Variants in H2BC18 observed in about 807,000 individuals in gnomAD.
H2BC18 encodes H2B clustered histone 18, also known as histone H2B type 2-F.
In H2BC18, 8 loss-of-function variants were observed where a neutral mutation model predicts 6.3. That is an observed-to-expected ratio of 1.28 (90% CI 0.75 to 2.31). The LOEUF is 2.31. H2BC18 is among the 30% of genes most tolerant of loss of function. H2BC18 has a pLI of 0.00. For missense variants in H2BC18, 106 were observed against 174.5 expected (o/e 0.61, Z 2.21); for synonymous variants, 104 against 78.1 (o/e 1.33, Z -1.75).
downstream of H2BC18, among the ~76,000 whole-genome samples, chr1:149,808,720 T>G (rs2091946220): frequency 6.6e-6 from 1 of 152,206 alleles, no homozygotes; most frequent in Non-Finnish European, 1.5e-5. Context: ...TTTTATCAAG[T>G]TTTCTATTTT....
intron 1 of H2BC18, chr1:149,787,001 T>C (rs2091569888): frequency 6.6e-6 from 1 of 152,222 alleles, no homozygotes; most frequent in Non-Finnish European, 1.5e-5. Context: ...ATCAAGCCTA[T>C]TAATTGTGTC....
chr1:149,788,688 C>T (rs1226035246), intron 1 of H2BC18: 4 of 1,549,390 alleles, frequency 2.6e-6, no homozygotes, highest in Non-Finnish European at 3.5e-6. Flanking sequence ...ATTCTAAACT[C>T]CTCACTTTAA....
chr1:149,807,890 T>C (rs2091937381), downstream of H2BC18, among the ~76,000 whole-genome samples: 1 of 152,094 alleles, frequency 6.6e-6, no homozygotes, highest in African/African-American at 2.4e-5. Flanking sequence ...GCTAGGACCA[T>C]GGTGAGCAAT....
rs1226693295 is a variant in H2BC18 at position 149,790,914 on chromosome 1, C to A, written c.378-7654G>T. On this transcript the variant is annotated intron_variant, in intron 1 of 1. Transcript: ENST00000545683. ...GATTGTGAGCTCTAGAACAAAGTCT[C>A]CTTGGGGGGGAAAAAAGTTCATCTT... 4.4e-4 allele frequency among the ~76,000 whole-genome samples: 67 copies of A among 151,394 alleles called. 1 individual carries two copies. Among genetic ancestry groups the A allele is most frequent in the African/African-American group, 1.5e-3 (62 of 40,806 alleles).
chr1:149,790,011 A>C, intron 1 of H2BC18: 1 of 1,612,204 alleles, frequency 6.2e-7, no homozygotes, highest in Non-Finnish European at 8.5e-7. Context: ...AAGGACCTGG[A>C]TGCTAAACAG....
intron 1 of H2BC18, chr1:149,791,486 T>A (rs1553751912): frequency 6.2e-7 from 1 of 1,608,992 alleles, no homozygotes; most frequent in Non-Finnish European, 8.5e-7. Context: ...CAGGAAGGGG[T>A]GCACCGGAAG....
At chr1:149,809,819 G>A (rs2091955197), downstream of H2BC18, among the ~76,000 whole-genome samples, 2 of 150,486 alleles carry the variant, frequency 1.3e-5, 1 homozygote, top group Non-Finnish European at 3.0e-5. Context: ...TAAAAGAACT[G>A]ACAGACTGAT....
chr1:149,796,256 G>A (rs1553752766), intron 1 of H2BC18, among the ~76,000 whole-genome samples: 2 of 152,200 alleles, frequency 1.3e-5, no homozygotes, highest in East Asian at 3.8e-4. Context: ...TGGAGAGGGA[G>A]CATATGTGAA....
intron 1 of H2BC18, chr1:149,792,824 G>A (rs1553752213): frequency 7.8e-7 from 1 of 1,279,082 alleles, no homozygotes; most frequent in Non-Finnish European, 1.0e-6. Context: ...CAGCAACGGC[G>A]GCAGGCGGAT....
Position 149,812,156 on chromosome 1 carries a change from C to G in H2BC18, c.168G>C (p.Ser56=). 1 of 1,614,248 alleles carries G rather than the reference C, an allele frequency of 6.2e-7. No homozygotes were observed. The highest frequency in any genetic ancestry group is 8.5e-7 in the Non-Finnish European group (1 of 1,180,046). ...AGTTCATGATGCCCATGGCCTTGGA[C>G]GAGATGCCGGTGTCGGGGTGGACCT... is the stretch of plus-strand genomic sequence containing the variant. ...LKQVHPDTGI[S]SKAMGIMNSF... is the part of the protein sequence containing the mutation. Residue 56 remains serine (S), a synonymous_variant, in exon 1 of 1, where the codon TCG becomes TCC. Coordinates refer to ENST00000369167, the MANE Select transcript of H2BC18 (RefSeq NM_001024599.5).
intron 1 of H2BC18, among the ~76,000 whole-genome samples, chr1:149,796,300 A>G (rs1553752772): frequency 6.6e-6 from 1 of 152,232 alleles, no homozygotes; most frequent in East Asian, 1.9e-4. Context: ...ATGGGAGTTA[A>G]TGGAGAAAGA....
At chr1:149,791,692 G>T in intron 1 of H2BC18, 2 of 1,059,268 alleles carry the variant, frequency 1.9e-6, no homozygotes, top group East Asian at 2.7e-5. Context: ...TGGAAATGTG[G>T]TCATCAAAGA....
intron 1 of H2BC18, among the ~76,000 whole-genome samples, chr1:149,802,653 AAAG>A (rs1335536469): frequency 6.6e-6 from 1 of 152,226 alleles, no homozygotes; most frequent in Admixed American, 6.5e-5. Context: ...GCTGAGGAAG[AAAG>A]AAGCCAGTAG....
chr1:149,784,812 G>T (rs1490020372), intron 1 of H2BC18, among the ~76,000 whole-genome samples: 4 of 151,332 alleles, frequency 2.6e-5, no homozygotes, highest in African/African-American at 7.3e-5. Flanking sequence ...ATACCTTAAA[G>T]TTCTGTTTAT....
intron 1 of H2BC18, chr1:149,785,945 T>C (rs1401467250): frequency 1.3e-5 from 2 of 152,158 alleles, no homozygotes; most frequent in Non-Finnish European, 2.9e-5. Flanking sequence ...AACATTATGA[T>C]TGTGAACTGT....
downstream of H2BC18, among the ~76,000 whole-genome samples, chr1:149,809,693 G>A (rs2091954287): frequency 7.0e-6 from 1 of 142,362 alleles, no homozygotes; most frequent in African/African-American, 3.0e-5. Flanking sequence ...TAAGCCTACA[G>A]TTTAAAAAGC....
chr1:149,802,331 C>T (rs681184), intron 1 of H2BC18, among the ~76,000 whole-genome samples: 9 of 151,964 alleles, frequency 5.9e-5, no homozygotes, highest in East Asian at 5.8e-4. Context: ...TGGAACTAAT[C>T]CTATGGCTAA....
chr1:149,800,236 T>C (rs1300813606), intron 1 of H2BC18, among the ~76,000 whole-genome samples: 2 of 152,256 alleles, frequency 1.3e-5, no homozygotes, highest in African/African-American at 4.8e-5. Flanking sequence ...GCACCTCCAC[T>C]GGGTGCGCCG....
intron 1 of H2BC18, among the ~76,000 whole-genome samples, chr1:149,800,377 C>T (rs2101468734): frequency 6.6e-6 from 1 of 151,528 alleles, no homozygotes; most frequent in Middle Eastern, 3.4e-3. Context: ...TCGGCTTAAC[C>T]TTCAGCCCCT....
Sources: gnomAD v4.1 joint callset for allele counts (sites outside exome capture counted in the v4.1 genomes callset) on GRCh38, gnomAD v4.1.1 for gene constraint, MANE v1.5 for transcripts, NCBI Gene and HGNC (gene_info 2026-07-23, HGNC 2026-07-21) for gene names.